CAST: variants seen among roughly 807,000 people sequenced by gnomAD.
CAST encodes calpastatin.
Under a neutral mutation model 119.6 loss-of-function variants are expected in CAST, and 76 were observed. The ratio of observed to expected loss-of-function variants is 0.64; its 90% confidence interval spans 0.53 to 0.77. The LOEUF is 0.77. Ranked by LOEUF, CAST falls within the 30% of genes least tolerant of loss-of-function variation. The probability of loss-of-function intolerance (pLI) is 0.00; values close to 1 mark genes in which losing one functional copy is unlikely to be tolerated. For synonymous variants in CAST, 319 were observed against 331.6 expected (o/e 0.96, Z 0.41); for missense variants, 953 against 946.5 (o/e 1.01, Z -0.09).
At chr5:96,005,591 C>A in the CAST span, among the ~76,000 whole-genome samples, 4 of 152,030 alleles carry the variant, frequency 2.6e-5, no homozygotes, top group African/African-American at 9.7e-5. Flanking sequence ...TTGATTATCA[C>A]CTTTTTAGTA....
chr5:96,491,209 G>C, the CAST span, among the ~76,000 whole-genome samples: 1 of 152,000 alleles, frequency 6.6e-6, no homozygotes, highest in East Asian at 1.9e-4. Flanking sequence ...GACCAGGCCG[G>C]GCACGGTGGC....
At chr5:96,393,357 G>C in the CAST span, 1 of 1,613,908 alleles carries the variant, frequency 6.2e-7, no homozygotes, top group Non-Finnish European at 8.5e-7. Flanking sequence ...TTCTCCTTAG[G>C]GTTCTCTTGT....
chr5:96,696,846 ACT>A (rs1162009300), intron 3 of CAST, among the ~76,000 whole-genome samples: 3 of 149,092 alleles, frequency 2.0e-5, no homozygotes, highest in Admixed American at 6.7e-5. Flanking sequence ...ATAGAACAAG[ACT>A]CTGTCTCAAA....
chr5:96,557,755 G>A (rs890730963), intron 1 of CAST, among the ~76,000 whole-genome samples: 8 of 152,108 alleles, frequency 5.3e-5, no homozygotes, highest in African/African-American at 1.4e-4. Context: ...CAGTAATAAT[G>A]GGAGACTTTA....
the CAST span, among the ~76,000 whole-genome samples, chr5:96,458,096 T>A: frequency 6.6e-6 from 1 of 152,142 alleles, no homozygotes; most frequent in Non-Finnish European, 1.5e-5. Flanking sequence ...GGACCAAATC[T>A]GTCCAGTCAC....
intron 1 of CAST, among the ~76,000 whole-genome samples, chr5:96,621,485 A>G (rs952272473): frequency 6.6e-6 from 1 of 152,182 alleles, no homozygotes; most frequent in African/African-American, 2.4e-5. Context: ...GTCATGGTGG[A>G]AGGGGAAGCA....
chr5:96,722,975 GC>G (rs771981514), intron 4 of CAST, among the ~76,000 whole-genome samples: 108 of 151,936 alleles, frequency 7.1e-4, no homozygotes, highest in Non-Finnish European at 1.4e-3. Flanking sequence ...ACAGGGTCTT[GC>G]TCTGTCACCT....
intron 1 of CAST, among the ~76,000 whole-genome samples, chr5:96,574,557 A>T (rs1464802941): frequency 6.6e-6 from 1 of 152,136 alleles, no homozygotes; most frequent in Non-Finnish European, 1.5e-5. Flanking sequence ...TCAATGCATC[A>T]ATTTTTCCTT....
At chr5:96,184,981 C>T in the CAST span, among the ~76,000 whole-genome samples, 11 of 152,300 alleles carry the variant, frequency 7.2e-5, no homozygotes, top group Non-Finnish European at 8.8e-5. Flanking sequence ...AACAGCATAA[C>T]TGCATTCCTT....
the CAST span, among the ~76,000 whole-genome samples, chr5:96,033,611 A>G: frequency 6.6e-6 from 1 of 152,284 alleles, no homozygotes; most frequent in East Asian, 1.9e-4. Context: ...GAAGAATCAC[A>G]TTAGATCTGC....
chr5:95,976,613 T>C, the CAST span, among the ~76,000 whole-genome samples: 131 of 152,310 alleles, frequency 8.6e-4, no homozygotes, highest in African/African-American at 2.9e-3. Context: ...ATTATTTATT[T>C]ATTGGTTTTG....
chr5:96,190,121 C>T, the CAST span, among the ~76,000 whole-genome samples: 1 of 152,028 alleles, frequency 6.6e-6, no homozygotes, highest in Non-Finnish European at 1.5e-5. Flanking sequence ...TCTTTGTATG[C>T]AGGAAGGGCT....
At chr5:96,354,723 A>G in the CAST span, among the ~76,000 whole-genome samples, 2 of 148,990 alleles carry the variant, frequency 1.3e-5, no homozygotes, top group Non-Finnish European at 3.0e-5. Context: ...AATATAATAT[A>G]TAAGATGTTA....
chr5:96,323,908 T>G, the CAST span, among the ~76,000 whole-genome samples: 5 of 152,212 alleles, frequency 3.3e-5, no homozygotes, highest in African/African-American at 1.2e-4. Context: ...CTCTTTTCCA[T>G]GAACAGTGCA....
At chr5:96,757,696 T>G (rs759263506) in intron 24 of CAST, 42 bp downstream of exon 24, 2 of 1,395,252 alleles carry the variant, frequency 1.4e-6, no homozygotes, top group Middle Eastern at 1.8e-4. Flanking sequence ...AGTTTTTTTT[T>G]TTTTTTTCCT....
intron 1 of CAST, chr5:96,662,918 A>G (rs1258926520): frequency 1.7e-6 from 1 of 588,700 alleles, no homozygotes; most frequent in Non-Finnish European, 3.0e-6. Flanking sequence ...CCTCTTCCCT[A>G]ACCAGCCTCG....
At chr5:96,592,415 A>G (rs144636568) in intron 1 of CAST, among the ~76,000 whole-genome samples, 55 of 151,474 alleles carry the variant, frequency 3.6e-4, no homozygotes, top group African/African-American at 8.6e-4. Flanking sequence ...AAAGGGGGGG[A>G]AAACCCAGCT....
chr5:96,753,704 G>A (rs1282750862), intron 20 of CAST, among the ~76,000 whole-genome samples: 6 of 152,136 alleles, frequency 3.9e-5, no homozygotes, highest in African/African-American at 9.7e-5. Context: ...TTCCTGTGCC[G>A]TCTATGGAAT....
intron 1 of CAST, among the ~76,000 whole-genome samples, chr5:96,555,577 T>C (rs188321688): frequency 1.3e-5 from 2 of 152,294 alleles, no homozygotes; most frequent in Admixed American, 6.5e-5. Context: ...CAGGACATTA[T>C]ATCCCGCACC....
Sources: gnomAD v4.1 joint callset for allele counts (sites outside exome capture counted in the v4.1 genomes callset) on GRCh38, gnomAD v4.1.1 for gene constraint, MANE v1.5 for transcripts, NCBI Gene and HGNC (gene_info 2026-07-23, HGNC 2026-07-21) for gene names.